Variants in SLC26A5 observed in about 807,000 individuals in gnomAD.
SLC26A5 encodes prestin.
SLC26A5 carries 51 observed loss-of-function variants against 81.0 expected under a neutral mutation model. The observed-to-expected ratio is 0.63, with a 90% CI of 0.50 to 0.80. The LOEUF (loss-of-function observed/expected upper bound fraction) is 0.80. SLC26A5 is among the 30% of genes least tolerant of loss of function. The pLI is 0.00. For synonymous variants in SLC26A5, 325 were observed against 332.8 expected (o/e 0.98, Z 0.25); for missense variants, 771 against 905.8 (o/e 0.85, Z 1.91).
intron 2 of SLC26A5, among the ~76,000 whole-genome samples, chr7:103,430,136 T>C (rs1825968896): frequency 6.6e-6 from 1 of 151,102 alleles, no homozygotes. Context: ...TAAAGTGCGA[T>C]GGTGTGATCT....
chr7:103,412,540 T>C (rs1185095015), intron 5 of SLC26A5, among the ~76,000 whole-genome samples: 1 of 145,234 alleles, frequency 6.9e-6, no homozygotes, highest in Non-Finnish European at 1.5e-5. Flanking sequence ...GGGAGGAGTG[T>C]AGTTTTTTTT....
intron 2 of SLC26A5, among the ~76,000 whole-genome samples, chr7:103,433,090 T>C (rs182328652): frequency 1.3e-5 from 2 of 152,344 alleles, no homozygotes; most frequent in Admixed American, 6.5e-5. Flanking sequence ...ACTCTATTAA[T>C]GGACTAGACA....
chr7:103,372,630 A>T (rs1821101838), downstream of SLC26A5, among the ~76,000 whole-genome samples: 1 of 152,220 alleles, frequency 6.6e-6, no homozygotes, highest in Admixed American at 6.5e-5. Flanking sequence ...CTGAACACTG[A>T]GTTTGATGTA....
intron 2 of SLC26A5, among the ~76,000 whole-genome samples, chr7:103,438,830 T>C (rs1826659172): frequency 6.6e-6 from 1 of 152,208 alleles, no homozygotes; most frequent in Non-Finnish European, 1.5e-5. Flanking sequence ...TCTATCACCA[T>C]AGATCAGTTT....
At chr7:103,403,384 G>T (rs1823764053) in intron 8 of SLC26A5, among the ~76,000 whole-genome samples, 1 of 152,124 alleles carries the variant, frequency 6.6e-6, no homozygotes, top group Non-Finnish European at 1.5e-5. Flanking sequence ...TGTCTATTAG[G>T]TTTGCTTGGT....
chr7:103,367,869 GC>G lies in SLC26A5; in HGVS notation c.2041+8938del, dbSNP rs774110382. On this transcript the variant is annotated intron_variant, in intron 19 of 19. Coordinates refer to the SLC26A5 transcript ENST00000339444. This position sits in a 1 kb window ranked among gnomAD's most constrained non-coding sequence, Gnocchi z 6.1. The stretch of plus-strand genomic sequence containing the variant: ...TGTCTGCTCAGGCTGCTTTAATTAA[GC>G]CCGTTTATTTTCTTTTTGTTTGAAA... 2 of 1,611,812 alleles carry G rather than the reference GC, an allele frequency of 1.2e-6. No homozygotes were observed. The highest frequency in any genetic ancestry group is 2.7e-5 in the African/African-American group (2 of 74,628).
Position 103,380,466 on chromosome 7 carries a change from G to T in SLC26A5, c.1584+14C>A, listed in dbSNP as rs1420410818. 3.7e-6 allele frequency: 6 copies of T among 1,606,568 alleles called. No homozygotes were observed. The African/African-American group carries it at 5.3e-5, about 14-fold the overall frequency. ...ATGCTTACAACCTTTTTAAGTGATAGAAAAAGGTCCTACCTCCTCATATGC... is the reference window on the plus strand; with the variant it reads ...ATGCTTACAACCTTTTTAAGTGATATAAAAAGGTCCTACCTCCTCATATGC... On this transcript the variant is annotated intron_variant, in intron 15 of 19. Transcript: ENST00000306312.
At chr7:103,440,870 A>T (rs1347305901) in intron 2 of SLC26A5, among the ~76,000 whole-genome samples, 1 of 152,218 alleles carries the variant, frequency 6.6e-6, no homozygotes, top group Non-Finnish European at 1.5e-5. Context: ...CTTCAACCTA[A>T]GCTGTGATTT....
chr7:103,374,619 T>C, intron 19 of SLC26A5, 27 bp from the exon 20 acceptor site: 1 of 1,607,084 alleles, frequency 6.2e-7, no homozygotes, highest in Non-Finnish European at 8.5e-7. Context: ...AGAAAATTAG[T>C]CCACACTCTG....
intron 2 of SLC26A5, among the ~76,000 whole-genome samples, chr7:103,424,667 T>G (rs1481013983): frequency 6.6e-6 from 1 of 152,120 alleles, no homozygotes; most frequent in African/African-American, 2.4e-5. Flanking sequence ...CAGACTCTAG[T>G]TTTTCTCCTG....
At chr7:103,435,043 T>C (rs914547796) in intron 2 of SLC26A5, 2 of 152,264 alleles carry the variant, frequency 1.3e-5, no homozygotes, top group African/African-American at 4.8e-5. Context: ...AAGAAATCAG[T>C]AACTGGTTGT....
chr7:103,380,377 A>C, intron 15 of SLC26A5, 103 bp downstream of exon 15: 2 of 899,746 alleles, frequency 2.2e-6, no homozygotes, highest in Non-Finnish European at 3.7e-6. Context: ...TTTGACCACT[A>C]TACCTCCCAT....
intron 15 of SLC26A5, 47 bp from the exon 16 acceptor site, chr7:103,379,382 A>C (rs781777996): frequency 1.6e-6 from 2 of 1,270,572 alleles, no homozygotes; most frequent in Non-Finnish European, 2.3e-6. Flanking sequence ...AATATTTCAG[A>C]ATCAAAACTG....
chr7:103,376,838 C>T lies in SLC26A5; in HGVS notation c.2011G>A (p.Gly671Ser), dbSNP rs758589041. The T allele has an allele frequency of 1.3e-5, 21 of 1,603,676 alleles. No homozygotes were observed. The highest frequency in any genetic ancestry group is 1.5e-5 in the Non-Finnish European group (17 of 1,171,182). Reference sequence around the variant, plus strand: ...CATCCTGCTAAGTATACATATATACCGACGTCTCCATATTCTTTTACAATC... The same window carrying T: ...CATCCTGCTAAGTATACATATATACTGACGTCTCCATATTCTTTTACAATC... Reference protein sequence around the residue: ...AGIVKEYGDVGIYVYLAGCSA... With the variant: ...AGIVKEYGDVSIYVYLAGCSA... Residue 671 changes from glycine to serine, a missense_variant, in exon 19 of 20, where the codon GGT becomes AGT. Physicochemically the swap from Gly to Ser is moderately conservative, Grantham distance 56. Coordinates refer to ENST00000306312, the MANE Select transcript of SLC26A5 (RefSeq NM_198999.3).
chr7:103,445,315 G>C (rs1827204638), intron 1 of SLC26A5: 1 of 152,118 alleles, frequency 6.6e-6, no homozygotes, highest in Admixed American at 6.5e-5. Flanking sequence ...CCCGGCCCAG[G>C]TGCGCACTAG....
At chr7:103,414,956 T>C (rs2116679411) in intron 4 of SLC26A5, among the ~76,000 whole-genome samples, 1 of 152,294 alleles carries the variant, frequency 6.6e-6, no homozygotes, top group Admixed American at 6.5e-5. Flanking sequence ...CGTTCCCTCA[T>C]ATATTCTGTT....
rs527355678 is a variant in SLC26A5, at chr7:103,417,368, C to CAA, written c.292+3368_292+3369dup. 5.9e-4 allele frequency among the ~76,000 whole-genome samples: 39 copies of CAA among 65,776 alleles called. 1 individual carries two copies. The highest frequency in any genetic ancestry group is 1.9e-3 in the African/African-American group (38 of 20,306). 43.2% of individuals were successfully genotyped at this position (65,776 alleles called of 152,430 possible). On this transcript the variant is annotated intron_variant, in intron 4 of 19. Coordinates refer to ENST00000306312, the MANE Select transcript of SLC26A5 (RefSeq NM_198999.3). ...TTGCCAATAGAGCGAGACTCTGTCT[C>CAA]AAAAAAAAAAAAAAAAAGAAAAAAA...
rs531055046 is a variant in SLC26A5 at position 103,400,344 on chromosome 7, T to C, written c.889-2330A>G. On this transcript the variant is annotated intron_variant, in intron 8 of 19. Transcript: ENST00000306312. ...CAGTGATGATGAGCTTTTTTCCATA[T>C]GTTTGTTGGCTGCATAAACGTCTTC... is the stretch of plus-strand genomic sequence containing the variant. 4.6e-5 allele frequency among the ~76,000 whole-genome samples: 7 copies of C among 152,356 alleles called. No individual in the cohort carries two copies. In the South Asian group the frequency reaches 6.2e-4, roughly 14 times the overall value.
intron 9 of SLC26A5, among the ~76,000 whole-genome samples, chr7:103,393,567 CTG>C (rs10549297): frequency 0.88 from 130,557 of 147,808 alleles, 58,347 homozygotes; most frequent in Non-Finnish European, 0.96. Context: ...CTACCTCTTC[CTG>C]TGTGTGTGTG....
Sources: gnomAD v4.1 joint callset for allele counts (sites outside exome capture counted in the v4.1 genomes callset) on GRCh38, gnomAD v4.1.1 for gene constraint, Gnocchi (gnomAD v3.1) non-coding constraint, MANE v1.5 for transcripts, NCBI Gene and HGNC (gene_info 2026-07-23, HGNC 2026-07-21) for gene names.